The following RFX3 variants were observed in gnomAD, a reference collection of about 807,000 sequenced individuals.
RFX3 encodes regulatory factor X3.
RFX3 carries 14 observed loss-of-function variants against 98.6 expected under a neutral mutation model. The ratio of observed to expected loss-of-function variants is 0.14; its 90% CI spans 0.09 to 0.22. The LOEUF is 0.22. Among genes scored for constraint, RFX3 ranks in the 10% least tolerant of loss-of-function variants. The pLI, the probability that RFX3 is intolerant of heterozygous loss-of-function variation, is 1.00. For missense variants in RFX3, 639 were observed against 926.9 expected (o/e 0.69, Z 4.03); for synonymous variants, 383 against 328.4 (o/e 1.17, Z -1.80).
intron 1 of RFX3, among the ~76,000 whole-genome samples, chr9:3,516,055 A>T (rs994500361): frequency 4.7e-5 from 7 of 148,936 alleles, no homozygotes; most frequent in African/African-American, 7.4e-5. Context: ...AAAAAAAAAA[A>T]TTTTTTTTTT....
At chr9:3,277,526 A>C (rs1825393085) in intron 7 of RFX3, 65 bp from the exon 8 acceptor site, 3 of 1,407,252 alleles carry the variant, frequency 2.1e-6, no homozygotes, top group African/African-American at 1.4e-5. Context: ...GTACTACCCG[A>C]AACTCCCAAA....
At chr9:3,504,921 C>T (rs186508847) in intron 1 of RFX3, among the ~76,000 whole-genome samples, 1,533 of 21,072 alleles carry the variant, frequency 0.073, 87 homozygotes, top group African/African-American at 0.18. Context: ...TATAATATAA[C>T]ATATATTATA....
At chr9:3,379,379 C>A (rs1564014468) in intron 2 of RFX3, among the ~76,000 whole-genome samples, 1 of 151,952 alleles carries the variant, frequency 6.6e-6, no homozygotes, top group Non-Finnish European at 1.5e-5. Context: ...AAGGTATAAA[C>A]AATGACAGTG....
At chr9:3,243,348 G>C (rs1237861212) in intron 15 of RFX3, among the ~76,000 whole-genome samples, 1 of 145,756 alleles carries the variant, frequency 6.9e-6, no homozygotes, top group African/African-American at 2.5e-5. Flanking sequence ...AAAAACTCTA[G>C]AATTGCATAT....
chr9:3,365,344 G>C (rs1001922520), intron 2 of RFX3, among the ~76,000 whole-genome samples: 8 of 146,612 alleles, frequency 5.5e-5, no homozygotes, highest in African/African-American at 1.8e-4. Flanking sequence ...CTTGGATAAA[G>C]CAAAAAATCA....
chr9:3,418,315 G>C lies in RFX3; in HGVS notation c.-8-22719C>G, dbSNP rs570136770. On this transcript the variant is annotated intron_variant, in intron 1 of 16. Transcript: ENST00000617270. The stretch of plus-strand genomic sequence containing the variant: ...GGCTTACAACAGTGCCTGATGCATG[G>C]TAAGAGCTCAATAAATGGTAAACAT... 3.9e-5 allele frequency among the ~76,000 whole-genome samples: 6 copies of C among 152,276 alleles called. No individual in the cohort carries two copies. The South Asian group carries it at 1.0e-3, about 26-fold the overall frequency.
At chr9:3,505,778 C>A (rs2133776287) in intron 1 of RFX3, among the ~76,000 whole-genome samples, 1 of 149,444 alleles carries the variant, frequency 6.7e-6, no homozygotes, top group Middle Eastern at 3.4e-3. Flanking sequence ...ATCATTTACA[C>A]TCTCTACCCC....
chr9:3,279,817 A>C (rs1338155255), intron 7 of RFX3, among the ~76,000 whole-genome samples: 2 of 151,850 alleles, frequency 1.3e-5, no homozygotes, highest in African/African-American at 4.8e-5. Context: ...AATCAAAATC[A>C]TGATGCATTA....
At chr9:3,342,339 C>T (rs979184089) in intron 3 of RFX3, among the ~76,000 whole-genome samples, 5 of 152,034 alleles carry the variant, frequency 3.3e-5, no homozygotes, top group Non-Finnish European at 5.9e-5. Context: ...GCTTGTGTAA[C>T]CACAGAACTC....
At chr9:3,235,332 C>T (rs891765641) in intron 15 of RFX3, among the ~76,000 whole-genome samples, 66 of 152,088 alleles carry the variant, frequency 4.3e-4, no homozygotes, top group African/African-American at 1.4e-3. Context: ...AAGGACAGTA[C>T]GATGTGTGGC....
chr9:3,483,536 C>A (rs567118774), intron 1 of RFX3, among the ~76,000 whole-genome samples: 130 of 152,322 alleles, frequency 8.5e-4, no homozygotes, highest in Non-Finnish European at 1.6e-3. Context: ...TCTACCTCTA[C>A]CTAAGACAGG....
chr9:3,399,856 G>A (rs1399630425), intron 1 of RFX3, among the ~76,000 whole-genome samples: 2 of 151,728 alleles, frequency 1.3e-5, no homozygotes, highest in African/African-American at 4.9e-5. Flanking sequence ...GGCTGCAGCA[G>A]GAGAGTCACT....
chr9:3,389,570 C>T (rs1840071054), intron 2 of RFX3, among the ~76,000 whole-genome samples: 1 of 151,650 alleles, frequency 6.6e-6, no homozygotes, highest in South Asian at 2.1e-4. Context: ...ATTGAGTATC[C>T]CTAATCTGAA....
chr9:3,506,957 A>T (rs1381041361), intron 1 of RFX3, among the ~76,000 whole-genome samples: 1 of 151,912 alleles, frequency 6.6e-6, no homozygotes, highest in Non-Finnish European at 1.5e-5. Context: ...ACTAGACAAA[A>T]TTTTTAAATA....
chr9:3,239,854 C>A (rs1416445743), intron 15 of RFX3, among the ~76,000 whole-genome samples: 1 of 152,234 alleles, frequency 6.6e-6, no homozygotes, highest in Non-Finnish European at 1.5e-5. Context: ...TCCCATACCA[C>A]CTCTTCTTAT....
intron 1 of RFX3, among the ~76,000 whole-genome samples, chr9:3,414,551 G>C (rs1171402108): frequency 6.7e-6 from 1 of 148,764 alleles, no homozygotes; most frequent in African/African-American, 2.5e-5. Flanking sequence ...ATATGAGTGT[G>C]TATATATATA....
At chr9:3,233,938 C>T (rs908615629) in intron 15 of RFX3, among the ~76,000 whole-genome samples, 1 of 152,072 alleles carries the variant, frequency 6.6e-6, no homozygotes, top group East Asian at 1.9e-4. Context: ...AGAATCAGTC[C>T]GACTCTACTA....
chr9:3,446,115 T>C (rs549945773), intron 1 of RFX3, among the ~76,000 whole-genome samples: 3 of 152,168 alleles, frequency 2.0e-5, no homozygotes, highest in African/African-American at 7.2e-5. Flanking sequence ...AACAGTTCAA[T>C]AAATATTGAT....
At chr9:3,481,869 AAAAT>A (rs1338161672) in intron 1 of RFX3, among the ~76,000 whole-genome samples, 3 of 152,140 alleles carry the variant, frequency 2.0e-5, no homozygotes, top group Non-Finnish European at 4.4e-5. Flanking sequence ...CAAAATAAAA[AAAAT>A]AAATAAAAAG....
Sources: gnomAD v4.1 joint callset for allele counts (sites outside exome capture counted in the v4.1 genomes callset) on GRCh38, gnomAD v4.1.1 for gene constraint, MANE v1.5 for transcripts, NCBI Gene and HGNC (gene_info 2026-07-23, HGNC 2026-07-21) for gene names.